Variants in ADGB observed in about 807,000 individuals in gnomAD.
The protein encoded by ADGB is androglobin.
In ADGB, 172 loss-of-function variants were observed where a neutral mutation model predicts 210.5. That is an observed-to-expected ratio of 0.82 (90% CI 0.72 to 0.93). ADGB has a LOEUF of 0.93. Among genes scored for constraint, ADGB ranks in the 40% least tolerant of loss-of-function variants. The probability of loss-of-function intolerance (pLI) is 0.00; values close to 1 mark genes in which losing one functional copy is unlikely to be tolerated. For missense variants in ADGB, 2,025 were observed against 1,964.8 expected (o/e 1.03, Z -0.58); for synonymous variants, 658 against 662.7 (o/e 0.99, Z 0.11).
At chr6:146,616,715 C>A (rs975147741) in intron 1 of ADGB, among the ~76,000 whole-genome samples, 1 of 151,942 alleles carries the variant, frequency 6.6e-6, no homozygotes, top group Admixed American at 6.6e-5. Context: ...GTTTTTGGTG[C>A]CTTTGTCAAA....
At chr6:146,723,351 C>T (rs1186100911) in intron 17 of ADGB, among the ~76,000 whole-genome samples, 1 of 152,088 alleles carries the variant, frequency 6.6e-6, no homozygotes, top group Non-Finnish European at 1.5e-5. Flanking sequence ...ATTATTTATC[C>T]ATTTTTAATA....
At chr6:146,740,981 T>C (rs1777156317) in intron 24 of ADGB, 137 bp from the exon 25 acceptor site, 1 of 618,540 alleles carries the variant, frequency 1.6e-6, no homozygotes, top group African/African-American at 1.9e-5. Context: ...ATAGTAATTT[T>C]TAAAAGAAAA....
intron 1 of ADGB, among the ~76,000 whole-genome samples, chr6:146,633,052 T>G (rs1399466715): frequency 6.6e-6 from 1 of 152,132 alleles, no homozygotes; most frequent in East Asian, 1.9e-4. Flanking sequence ...ATCTGATGTC[T>G]AATTACCTAC....
chr6:146,664,364 C>T, intron 6 of ADGB, 24 bp downstream of exon 6: 2 of 1,515,076 alleles, frequency 1.3e-6, no homozygotes, highest in Non-Finnish European at 8.8e-7. Flanking sequence ...CTATCACTCA[C>T]ATGAATAAAA....
At chr6:146,725,590 A>G (rs1388204431) in intron 18 of ADGB, 1 of 152,316 alleles carries the variant, frequency 6.6e-6, no homozygotes, top group Admixed American at 6.5e-5. Context: ...CTTGGTGCCA[A>G]AAAGAATGGG....
chr6:146,634,839 A>G (rs909123678), intron 1 of ADGB, among the ~76,000 whole-genome samples: 1 of 152,068 alleles, frequency 6.6e-6, no homozygotes, highest in Non-Finnish European at 1.5e-5. Context: ...TTCCAAATAT[A>G]GAAGCTTAGT....
intron 16 of ADGB, among the ~76,000 whole-genome samples, chr6:146,721,164 C>T (rs1015637824): frequency 6.6e-6 from 1 of 152,172 alleles, no homozygotes; most frequent in African/African-American, 2.4e-5. Context: ...CTCTGCCTCT[C>T]TCTGATATGG....
At chr6:146,722,840 G>T (rs1350722291) in intron 17 of ADGB, among the ~76,000 whole-genome samples, 6 of 152,094 alleles carry the variant, frequency 3.9e-5, no homozygotes, top group African/African-American at 1.4e-4. Context: ...TGTTCTAATG[G>T]ATAGACAATC....
In ADGB at chr6:146,812,983, T is replaced by C. The variant is rs562006268; in HGVS notation, c.4819-2049T>C. Among the ~76,000 whole-genome samples the C allele has an allele frequency of 9.6e-4, 146 of 152,332 alleles. 1 individual carries two copies. The highest frequency in any genetic ancestry group is 3.4e-3 in the African/African-American group (140 of 41,572). The stretch of plus-strand genomic sequence containing the variant: ...GGCTCTCCAGGCTTATCTTTCCCTT[T>C]GGCGTAATGAGTTTGGGGGATCTGA... On this transcript the variant is annotated intron_variant, in intron 35 of 35. Coordinates refer to ENST00000397944, the MANE Select transcript of ADGB (RefSeq NM_024694.4).
chr6:146,734,506 G>T (rs77242637), intron 22 of ADGB, among the ~76,000 whole-genome samples: 1,765 of 152,302 alleles, frequency 0.012, 26 homozygotes, highest in African/African-American at 0.04. Flanking sequence ...TATGTCCATA[G>T]TGACACACAT....
chr6:146,780,171 G>T (rs1276724435), intron 29 of ADGB, among the ~76,000 whole-genome samples: 5 of 151,782 alleles, frequency 3.3e-5, no homozygotes, highest in East Asian at 3.9e-4. Flanking sequence ...AAACTAGATG[G>T]TTATAAATTA....
At chr6:146,728,495 T>G in intron 19 of ADGB, 79 bp from the exon 20 acceptor site, 1 of 1,335,586 alleles carries the variant, frequency 7.5e-7, no homozygotes, top group Non-Finnish European at 1.0e-6. Flanking sequence ...AGATTTCATA[T>G]TTTAACAGAT....
chr6:146,731,754 A>T (rs540383696), intron 20 of ADGB, among the ~76,000 whole-genome samples: 2 of 152,090 alleles, frequency 1.3e-5, no homozygotes, highest in African/African-American at 4.8e-5. Context: ...GCAACCACAC[A>T]TATGTCATAG....
chr6:146,736,333 G>A (rs2114591843), intron 22 of ADGB, among the ~76,000 whole-genome samples, 165 bp from the exon 23 acceptor site: 1 of 152,256 alleles, frequency 6.6e-6, no homozygotes, highest in Non-Finnish European at 1.5e-5. Context: ...CTAGAAGTTT[G>A]TAGCTCATAT....
intron 14 of ADGB, 33 bp from the exon 15 acceptor site, chr6:146,716,850 A>G: frequency 3.4e-6 from 5 of 1,491,420 alleles, no homozygotes; most frequent in Non-Finnish European, 4.5e-6. Context: ...TTATTTAACA[A>G]TATAAGATGT....
intron 9 of ADGB, among the ~76,000 whole-genome samples, chr6:146,679,816 A>G (rs1776133080): frequency 6.6e-6 from 1 of 152,230 alleles, no homozygotes; most frequent in Admixed American, 6.5e-5. Flanking sequence ...GACATTAATT[A>G]CAAATACCGA....
At chr6:146,753,988 T>C (rs1260863584) in intron 27 of ADGB, among the ~76,000 whole-genome samples, 1 of 151,508 alleles carries the variant, frequency 6.6e-6, no homozygotes, top group East Asian at 1.9e-4. Context: ...TCATTTCTTT[T>C]TAAAAAATTT....
At chr6:146,752,389 T>A in intron 26 of ADGB, 141 bp from the exon 27 acceptor site, 1 of 686,000 alleles carries the variant, frequency 1.5e-6, no homozygotes, top group Non-Finnish European at 2.4e-6. Context: ...CAATTACCTC[T>A]CACCAGGCCC....
At chr6:146,724,463 T>C in intron 18 of ADGB, 136 bp downstream of exon 18, 1 of 846,420 alleles carries the variant, frequency 1.2e-6, no homozygotes, top group East Asian at 3.1e-5. Context: ...GGTCCATGAT[T>C]ATTATTCTTG....
Sources: gnomAD v4.1 joint callset for allele counts (sites outside exome capture counted in the v4.1 genomes callset) on GRCh38, gnomAD v4.1.1 for gene constraint, MANE v1.5 for transcripts, NCBI Gene and HGNC (gene_info 2026-07-23, HGNC 2026-07-21) for gene names.